The following PDK1 variants were observed in gnomAD, a reference collection of about 807,000 sequenced individuals.
PDK1 encodes pyruvate dehydrogenase kinase 1.
Under a neutral mutation model 54.2 loss-of-function variants are expected in PDK1, and 39 were observed. The observed-to-expected ratio is 0.72, with a 90% CI of 0.56 to 0.94. PDK1 has a LOEUF of 0.94. PDK1 is among the 40% of genes least tolerant of loss of function. PDK1 has a pLI of 0.00. For missense variants in PDK1, 552 were observed against 566.0 expected (o/e 0.98, Z 0.25); for synonymous variants, 221 against 207.1 (o/e 1.07, Z -0.58).
At chr2:172,682,050 C>A in the PDK1 span, among the ~76,000 whole-genome samples, 1 of 152,218 alleles carries the variant, frequency 6.6e-6, no homozygotes, top group East Asian at 1.9e-4. Context: ...TGAGCCACCA[C>A]GCCCAGCCAG....
chr2:172,618,873 A>G, the PDK1 span, among the ~76,000 whole-genome samples: 1 of 152,112 alleles, frequency 6.6e-6, no homozygotes, highest in Non-Finnish European at 1.5e-5. Context: ...TTGAGGCTAG[A>G]GAAGTGGGCC....
At chr2:172,587,055 C>T (rs534233830) in intron 9 of PDK1, among the ~76,000 whole-genome samples, 1 of 152,278 alleles carries the variant, frequency 6.6e-6, no homozygotes, top group African/African-American at 2.4e-5. Context: ...TAGAGTTATG[C>T]TGTAACATGA....
chr2:172,570,304 T>A (rs1230487348), intron 7 of PDK1, among the ~76,000 whole-genome samples: 1 of 152,192 alleles, frequency 6.6e-6, no homozygotes, highest in Non-Finnish European at 1.5e-5. Flanking sequence ...AATACGACCA[T>A]CGCTGTTACT....
chr2:172,585,515 G>A (rs1472810096), intron 8 of PDK1, among the ~76,000 whole-genome samples: 1 of 151,664 alleles, frequency 6.6e-6, no homozygotes, highest in Non-Finnish European at 1.5e-5. Context: ...TAGTAGAGAT[G>A]GGGTTTCGCT....
the PDK1 span, among the ~76,000 whole-genome samples, chr2:172,641,231 A>G: frequency 1.9e-3 from 292 of 151,856 alleles, 1 homozygote; most frequent in Non-Finnish European, 3.1e-3. Flanking sequence ...GGCTCAAGCA[A>G]TCCTCTCACC....
the PDK1 span, among the ~76,000 whole-genome samples, chr2:172,713,239 GA>G: frequency 2.5e-4 from 38 of 152,374 alleles, no homozygotes; most frequent in African/African-American, 8.2e-4. Context: ...GGGCTTCAGA[GA>G]GGAGGACCTA....
At chr2:172,690,158 AAAAC>A in the PDK1 span, among the ~76,000 whole-genome samples, 18 of 150,550 alleles carry the variant, frequency 1.2e-4, 1 homozygote, top group Non-Finnish European at 2.4e-4. Context: ...TTACAAGAAA[AAAAC>A]AAACAACCGC....
rs542721578 is a variant in PDK1, at chr2:172,571,633, A to G, written c.945+809A>G. Among the ~76,000 whole-genome samples, 3 of 152,252 alleles carry G rather than the reference A, an allele frequency of 2.0e-5. No individual in the cohort carries two copies. In the East Asian group the frequency reaches 5.8e-4, roughly 29 times the overall value. The stretch of plus-strand genomic sequence containing the variant: ...GTGATCCTCCCACCTTGGCCTCCCA[A>G]AGCACTAGTATTACAGGTGTGAGCC... On this transcript the variant is annotated intron_variant, in intron 8 of 10. Coordinates refer to ENST00000282077, the MANE Select transcript of PDK1 (RefSeq NM_002610.5).
At chr2:172,568,255 G>A (rs1689059927) in intron 6 of PDK1, among the ~76,000 whole-genome samples, 1 of 144,728 alleles carries the variant, frequency 6.9e-6, no homozygotes, top group Admixed American at 7.0e-5. Context: ...TTGAACCTGG[G>A]AAGTGGAGGT....
intron 8 of PDK1, among the ~76,000 whole-genome samples, chr2:172,583,158 T>G (rs545749318): frequency 6.6e-6 from 1 of 152,208 alleles, no homozygotes; most frequent in East Asian, 1.9e-4. Context: ...AATTAAAGGA[T>G]GAGTAATTAA....
Position 172,604,136 on chromosome 2 carries a change from T to G in PDK1, c.*8167T>G, listed in dbSNP as rs1018633940. On this transcript the variant is annotated 3_prime_UTR_variant, in exon 11 of 11. Coordinates refer to ENST00000282077, the MANE Select transcript of PDK1 (RefSeq NM_002610.5). Reference sequence around the variant, plus strand: ...CTCTGAGATTACCCAGGCTGGAGTTTAGTAGCATGATCTTGGCTCACTGCA... The same window carrying G: ...CTCTGAGATTACCCAGGCTGGAGTTGAGTAGCATGATCTTGGCTCACTGCA... The G allele has an allele frequency of 6.6e-6, 1 of 152,202 alleles. No individual in the cohort carries two copies. The highest frequency in any genetic ancestry group is 1.5e-5 in the Non-Finnish European group (1 of 68,042). 9.4% of individuals were successfully genotyped at this position (152,202 alleles called of 1,614,324 possible). A position where few individuals can be genotyped will look rare whatever the true frequency, so the allele number is the denominator to read the frequency against.
chr2:172,719,933 T>A, the PDK1 span, among the ~76,000 whole-genome samples: 6 of 152,214 alleles, frequency 3.9e-5, no homozygotes, highest in Non-Finnish European at 8.8e-5. Flanking sequence ...TATTTTTGAC[T>A]GAATACCAGA....
rs916287511 is a variant in PDK1 at position 172,596,989 on chromosome 2, G to A, written c.*1020G>A. ...TATTTAAAGTCAGATTTATAGACTC[G>A]AGGAGACAGAAACTGAATCCCACAC... On this transcript the variant is annotated 3_prime_UTR_variant, in exon 11 of 11. Coordinates refer to ENST00000282077, the MANE Select transcript of PDK1 (RefSeq NM_002610.5). The A allele has an allele frequency of 2.0e-5, 3 of 152,102 alleles. No individual in the cohort carries two copies. The highest frequency in any genetic ancestry group is 6.6e-5 in the Admixed American group (1 of 15,262). 9.4% of individuals were successfully genotyped at this position (152,102 alleles called of 1,614,324 possible). A position where few individuals can be genotyped will look rare whatever the true frequency, so the allele number is the denominator to read the frequency against.
rs547222245 is a variant in PDK1 at position 172,597,904 on chromosome 2, G to A, written c.*1935G>A. 6.6e-6 allele frequency: 1 copy of A among 152,334 alleles called. No homozygotes were observed. Among genetic ancestry groups the A allele is most frequent in the South Asian group, 2.1e-4 (1 of 4,822 alleles). The allele number at this position is 152,334 out of a possible 1,614,324, so 9.4% of individuals were successfully genotyped here. On this transcript the variant is annotated 3_prime_UTR_variant, in exon 11 of 11. Transcript: ENST00000282077. ...TATAAGATGAACAGTTGTGATAAAT[G>A]TGTAGATTAGAGGGATGTGAATGGG...
the PDK1 span, among the ~76,000 whole-genome samples, chr2:172,683,931 G>A: frequency 1.3e-5 from 2 of 152,202 alleles, no homozygotes; most frequent in African/African-American, 2.4e-5. Flanking sequence ...TTAGAAGCAG[G>A]AGAAATACAT....
At position 172,607,507 on chromosome 2, in the gene PDK1, T is replaced by TA. The variant is rs1691336156; in HGVS notation, c.*11539dup. The TA allele has an allele frequency of 6.6e-6, 1 of 152,362 alleles. No individual in the cohort carries two copies. The highest frequency in any genetic ancestry group is 6.5e-5 in the Admixed American group (1 of 15,310). The allele number at this position is 152,362 out of a possible 1,614,324, so 9.4% of individuals were successfully genotyped here. On this transcript the variant is annotated 3_prime_UTR_variant, in exon 11 of 11. Coordinates refer to ENST00000282077, the MANE Select transcript of PDK1 (RefSeq NM_002610.5). ...CTCAAACCAAAATAAGACTTGCTGT[T>TA]ACCCTGAGACAAGCCAACTGTCATT...
rs914671141 is a variant in PDK1 at position 172,596,301 on chromosome 2, C to G, written c.*332C>G. Reference sequence around the variant, plus strand: ...GTTTTTTTTTTTTAAGAAATACTTTCATTTATGTTTGCTAGAAACATTTTC... The same window carrying G: ...GTTTTTTTTTTTTAAGAAATACTTTGATTTATGTTTGCTAGAAACATTTTC... On this transcript the variant is annotated 3_prime_UTR_variant, in exon 11 of 11. Transcript: ENST00000282077. The G allele has an allele frequency of 5.9e-6, 1 of 169,258 alleles. No homozygotes were observed. The highest frequency in any genetic ancestry group is 6.0e-5 in the Admixed American group (1 of 16,702). The allele number at this position is 169,258 out of a possible 1,614,324, so 10.5% of individuals were successfully genotyped here.
chr2:172,643,358 A>T, the PDK1 span, among the ~76,000 whole-genome samples: 1 of 152,308 alleles, frequency 6.6e-6, no homozygotes, highest in African/African-American at 2.4e-5. Context: ...CCACACGTTC[A>T]AAGTTGTACT....
At chr2:172,654,894 C>T in the PDK1 span, among the ~76,000 whole-genome samples, 5 of 152,080 alleles carry the variant, frequency 3.3e-5, no homozygotes, top group Non-Finnish European at 5.9e-5. Context: ...TACCTAATAG[C>T]GGGCAGAGAA....
Sources: allele counts gnomAD v4.1 joint callset (sites outside exome capture counted in the v4.1 genomes callset), GRCh38; gene constraint gnomAD v4.1.1; transcripts MANE v1.5; gene names NCBI Gene and HGNC (gene_info 2026-07-23, HGNC 2026-07-21).